Variants in DLGAP1 observed in about 807,000 individuals in gnomAD.
DLGAP1 encodes DLG associated protein 1, also known as disks large-associated protein 1.
A neutral mutation model predicts 90.8 loss-of-function variants in DLGAP1; 11 were observed. That is an observed-to-expected ratio of 0.12 (90% CI 0.08 to 0.20). The LOEUF is 0.20. Among genes scored for constraint, DLGAP1 ranks in the 10% least tolerant of loss-of-function variants. DLGAP1 has a pLI of 1.00. For synonymous variants in DLGAP1, 558 were observed against 540.7 expected, an observed-to-expected ratio of 1.03 and a Z score of -0.44; for missense variants, 1,050 against 1,333.8, an observed-to-expected ratio of 0.79 and a Z score of 3.31.
chr18:3,862,694 A>G (rs2070150344), intron 4 of DLGAP1, among the ~76,000 whole-genome samples: 1 of 152,258 alleles, frequency 6.6e-6, no homozygotes, highest in South Asian at 2.1e-4. Context: ...GTTAGTCCTC[A>G]TGTTTCTAAG....
chr18:3,632,875 T>A (rs567541191), intron 7 of DLGAP1, among the ~76,000 whole-genome samples: 39 of 152,298 alleles, frequency 2.6e-4, no homozygotes, highest in African/African-American at 9.1e-4. Context: ...GGTTACAACT[T>A]CTCATGAATG....
chr18:3,759,373 T>C (rs746313203), intron 5 of DLGAP1, among the ~76,000 whole-genome samples: 34 of 152,204 alleles, frequency 2.2e-4, no homozygotes, highest in Non-Finnish European at 3.4e-4. Flanking sequence ...TGCTAGAAGC[T>C]GGAATAACCC....
At chr18:4,064,224 C>T (rs914306130) in intron 2 of DLGAP1, among the ~76,000 whole-genome samples, 2 of 151,914 alleles carry the variant, frequency 1.3e-5, no homozygotes, top group East Asian at 3.9e-4. Context: ...CTTTTACACC[C>T]TCCAATCAGT....
At chr18:4,083,593 A>G (rs1168170703) in intron 2 of DLGAP1, among the ~76,000 whole-genome samples, 2 of 152,220 alleles carry the variant, frequency 1.3e-5, no homozygotes, top group Non-Finnish European at 2.9e-5. Context: ...AAATATAATG[A>G]AGCATTAATC....
chr18:3,601,009 G>GAT (rs1568280262), intron 7 of DLGAP1, among the ~76,000 whole-genome samples: 7,433 of 118,908 alleles, frequency 0.063, 873 homozygotes, highest in African/African-American at 0.21. Context: ...TATAGATATA[G>GAT]ATAGATATAT....
At chr18:4,415,941 G>A (rs1319048594) in intron 1 of DLGAP1, among the ~76,000 whole-genome samples, 1 of 152,120 alleles carries the variant, frequency 6.6e-6, no homozygotes, top group Non-Finnish European at 1.5e-5. Flanking sequence ...GAACTTGTGA[G>A]TCCTCTTTCT....
At chr18:4,295,453 G>C (rs1183103387) in intron 1 of DLGAP1, 1 of 152,202 alleles carries the variant, frequency 6.6e-6, no homozygotes, top group East Asian at 1.9e-4. Context: ...TTCCACCAGG[G>C]CACAATGTCT....
At position 3,802,272 on chromosome 18, in the gene DLGAP1, C is replaced by T. The variant is rs554862410; in HGVS notation, c.1172+11787G>A. The stretch of plus-strand genomic sequence containing the variant: ...TGTTGGGATTACAGGCATGAGCCAC[C>T]GACCCCGCCACGCAGGCCATCTTTC... On this transcript the variant is annotated intron_variant, in intron 5 of 12. Coordinates refer to ENST00000315677, the MANE Select transcript of DLGAP1 (RefSeq NM_004746.4). Among the ~76,000 whole-genome samples, 40 of 148,598 alleles carry T rather than the reference C, an allele frequency of 2.7e-4. 1 individual carries two copies. In the South Asian group the frequency reaches 8.0e-3, roughly 30 times the overall value.
chr18:3,641,586 T>TATACACACAC (rs377536387), intron 7 of DLGAP1, among the ~76,000 whole-genome samples: 3 of 135,492 alleles, frequency 2.2e-5, no homozygotes, highest in East Asian at 2.1e-4. Flanking sequence ...CATATATATA[T>TATACACACAC]ACACACACAC....
chr18:3,934,520 A>G (rs1310186778), intron 3 of DLGAP1, among the ~76,000 whole-genome samples: 2 of 152,178 alleles, frequency 1.3e-5, no homozygotes, highest in Non-Finnish European at 1.5e-5. Flanking sequence ...AGACAGAGAG[A>G]GAGAGAGAGA....
At chr18:3,646,649 G>T (rs1243310826) in intron 7 of DLGAP1, among the ~76,000 whole-genome samples, 2 of 152,166 alleles carry the variant, frequency 1.3e-5, no homozygotes, top group Non-Finnish European at 2.9e-5. Context: ...TAACAGCCGG[G>T]CACGGTGGCT....
intron 2 of DLGAP1, among the ~76,000 whole-genome samples, chr18:4,018,225 A>G (rs2074554007): frequency 6.6e-6 from 1 of 152,216 alleles, no homozygotes; most frequent in South Asian, 2.1e-4. Flanking sequence ...GGGCAAAACC[A>G]CTATGACAGC....
chr18:4,219,811 G>T (rs1232063745), intron 1 of DLGAP1, among the ~76,000 whole-genome samples: 2 of 151,986 alleles, frequency 1.3e-5, no homozygotes, highest in African/African-American at 4.8e-5. Context: ...TTTATTTCTG[G>T]TGTTTCTATC....
intron 5 of DLGAP1, among the ~76,000 whole-genome samples, chr18:3,753,461 G>A (rs1181138699): frequency 6.6e-6 from 1 of 152,166 alleles, no homozygotes; most frequent in Non-Finnish European, 1.5e-5. Flanking sequence ...TCTGCTCTGT[G>A]GAAAAGCCCT....
At position 3,729,405 on chromosome 18, in the gene DLGAP1, C is replaced by T. The variant is rs2062330305; in HGVS notation, c.1351-30G>A. 6.3e-7 allele frequency: 1 copy of T among 1,593,342 alleles called. No homozygotes were observed. Among genetic ancestry groups the T allele is most frequent in the Non-Finnish European group, 8.6e-7 (1 of 1,165,194 alleles). On this transcript the variant is annotated intron_variant, in intron 6 of 12. Transcript: ENST00000315677. This position sits in a 1 kb window ranked among gnomAD's most constrained non-coding sequence, Gnocchi z 6.2. ...GGGCAGACACAGGCGTTGTGACACT[C>T]GCCTCCACCTGGTGGAGGATCAACC...
intron 1 of DLGAP1, among the ~76,000 whole-genome samples, chr18:4,360,805 C>A (rs1326627423): frequency 6.6e-6 from 1 of 152,092 alleles, no homozygotes; most frequent in Non-Finnish European, 1.5e-5. Flanking sequence ...ATGGCAAAAC[C>A]CTGTCTCTAC....
intron 1 of DLGAP1, among the ~76,000 whole-genome samples, chr18:4,283,081 G>A (rs2079593251): frequency 6.6e-6 from 1 of 152,134 alleles, no homozygotes; most frequent in Admixed American, 6.5e-5. Flanking sequence ...CTCAATATTA[G>A]TCTACTGTGT....
At chr18:4,126,419 C>G (rs2076234049) in intron 2 of DLGAP1, among the ~76,000 whole-genome samples, 1 of 152,156 alleles carries the variant, frequency 6.6e-6, no homozygotes, top group Non-Finnish European at 1.5e-5. Context: ...TTAACCTGTT[C>G]AATATCATGC....
At chr18:4,071,560 G>A (rs2075447492) in intron 2 of DLGAP1, among the ~76,000 whole-genome samples, 1 of 152,106 alleles carries the variant, frequency 6.6e-6, no homozygotes, top group Non-Finnish European at 1.5e-5. Context: ...GTCGTCTCAG[G>A]AAAACTACAC....
Sources: allele counts gnomAD v4.1 joint callset (sites outside exome capture counted in the v4.1 genomes callset), GRCh38; gene constraint gnomAD v4.1.1; non-coding constraint Gnocchi (gnomAD v3.1); transcripts MANE v1.5; gene names NCBI Gene and HGNC (gene_info 2026-07-23, HGNC 2026-07-21).